The following KAT6A variants were observed in gnomAD, a reference collection of about 807,000 sequenced individuals.
KAT6A encodes lysine acetyltransferase 6A, also known as histone acetyltransferase KAT6A.
A neutral mutation model predicts 198.4 loss-of-function variants in KAT6A; 9 were observed. The observed-to-expected ratio is 0.05, with a 90% confidence interval of 0.03 to 0.08. The LOEUF (loss-of-function observed/expected upper bound fraction) is 0.08, where lower values mean the gene tolerates loss of function less well. Ranked by LOEUF, KAT6A falls within the 10% of genes least tolerant of loss-of-function variation. The pLI, the probability that KAT6A is intolerant of heterozygous loss-of-function variation, is 1.00. For synonymous variants in KAT6A, 890 were observed against 883.0 expected, an observed-to-expected ratio of 1.01 and a Z score of -0.14; for missense variants, 2,077 against 2,509.9, an observed-to-expected ratio of 0.83 and a Z score of 3.69.
At chr8:41,947,523 C>T (rs1049415022) in intron 11 of KAT6A, among the ~76,000 whole-genome samples, 1 of 152,100 alleles carries the variant, frequency 6.6e-6, no homozygotes, top group African/African-American at 2.4e-5. Flanking sequence ...TAAAACCTTC[C>T]CCGTGAGTAT....
intron 8 of KAT6A, among the ~76,000 whole-genome samples, chr8:41,966,656 G>A (rs771530374): frequency 2.6e-5 from 4 of 151,982 alleles, no homozygotes; most frequent in Non-Finnish European, 4.4e-5. Context: ...ACACATCTTA[G>A]TATACTGTGA....
In KAT6A at chr8:41,931,542, A is replaced by G. The variant is rs914405219; in HGVS notation, c.*663T>C. 1 of 206,456 alleles carries G rather than the reference A, an allele frequency of 4.8e-6. No homozygotes were observed. Among genetic ancestry groups the G allele is most frequent in the Non-Finnish European group, 9.9e-6 (1 of 100,882 alleles). The allele number at this position is 206,456 out of a possible 1,614,324, so 12.8% of individuals were successfully genotyped here. Reference sequence around the variant, plus strand: ...CAATGAAGTCCGTCTATAAAGAAACATTCTTGGGGAAGGGTTTCAAGAGGT... The same window carrying G: ...CAATGAAGTCCGTCTATAAAGAAACGTTCTTGGGGAAGGGTTTCAAGAGGT... On this transcript the variant is annotated 3_prime_UTR_variant, in exon 17 of 17. Coordinates refer to ENST00000265713, the MANE Select transcript of KAT6A (RefSeq NM_006766.5).
intron 7 of KAT6A, 102 bp from the exon 8 acceptor site, chr8:41,974,924 A>G (rs1823973873): frequency 1.6e-6 from 1 of 644,748 alleles, no homozygotes; most frequent in Non-Finnish European, 2.7e-6. Flanking sequence ...CTTAATATAT[A>G]ACGAAGAATA....
chr8:41,942,520 G>A, intron 14 of KAT6A: 2 of 426,898 alleles, frequency 4.7e-6, no homozygotes, highest in Non-Finnish European at 4.2e-6. Flanking sequence ...TTAAAACTGA[G>A]CTGCTTCTTG....
intron 8 of KAT6A, among the ~76,000 whole-genome samples, chr8:41,967,818 C>T (rs184955578): frequency 2.0e-4 from 31 of 152,074 alleles, no homozygotes; most frequent in South Asian, 1.7e-3. Context: ...GAAATAACGT[C>T]GCATATCTAC....
intron 2 of KAT6A, among the ~76,000 whole-genome samples, chr8:42,029,570 T>A (rs976702147): frequency 3.6e-5 from 5 of 137,368 alleles, no homozygotes; most frequent in African/African-American, 1.4e-4. Context: ...TTTTTTTTTG[T>A]TTTTTTTTTT....
chr8:42,025,545 T>C (rs1826770671), intron 2 of KAT6A, among the ~76,000 whole-genome samples: 1 of 152,156 alleles, frequency 6.6e-6, no homozygotes, highest in Non-Finnish European at 1.5e-5. Flanking sequence ...TGTTGGCCAT[T>C]TGTATGTATT....
chr8:42,033,709 T>G (rs1387113721), intron 2 of KAT6A, among the ~76,000 whole-genome samples: 1 of 152,220 alleles, frequency 6.6e-6, no homozygotes, highest in East Asian at 1.9e-4. Context: ...TATCACCATG[T>G]GTATTTATTA....
chr8:41,995,450 A>G (rs1200318586), intron 2 of KAT6A, among the ~76,000 whole-genome samples: 1 of 152,160 alleles, frequency 6.6e-6, no homozygotes, highest in Admixed American at 6.5e-5. Flanking sequence ...AGATGGCAGT[A>G]TTGAGGCAAA....
rs764710643 is a variant in KAT6A at position 41,932,305 on chromosome 8, G to A, written c.5915C>T (p.Pro1972Leu). 5.6e-6 allele frequency: 9 copies of A among 1,614,094 alleles called. No individual in the cohort carries two copies. Among genetic ancestry groups the A allele is most frequent in the African/African-American group, 1.3e-5 (1 of 74,928 alleles). ...GCCTGTGTACATCATGTTCCCATGA[G>A]GGTTAGGCTGCATAGGCTGCTGGGT... ...AYTQQPMQPN[P>L]HGNMMYTGPS... is the part of the protein sequence containing the mutation. Residue 1972 changes from proline (P) to leucine (L), a missense_variant, in exon 17 of 17, where the codon CCT (proline) becomes CTT (leucine). Transcript: ENST00000265713.
chr8:41,942,720 CATT>C, intron 14 of KAT6A, 70 bp downstream of exon 14: 1 of 1,463,368 alleles, frequency 6.8e-7, no homozygotes, highest in South Asian at 1.2e-5. Context: ...GATCATAATA[CATT>C]ATTATAAATA....
chr8:42,007,961 CAA>C (rs988491987), intron 2 of KAT6A, among the ~76,000 whole-genome samples: 10 of 42,890 alleles, frequency 2.3e-4, no homozygotes, highest in Non-Finnish European at 2.7e-4. Flanking sequence ...GACTCCGTCT[CAA>C]AAAAAAAAAA....
intron 8 of KAT6A, among the ~76,000 whole-genome samples, chr8:41,965,661 C>G (rs1162566227): frequency 1.3e-5 from 2 of 152,106 alleles, no homozygotes; most frequent in African/African-American, 2.4e-5. Context: ...TTGCACCATG[C>G]AAAGTGAGGA....
At chr8:42,047,888 A>ATCTGTCTCATT (rs1382300033) in intron 2 of KAT6A, among the ~76,000 whole-genome samples, 1 of 152,106 alleles carries the variant, frequency 6.6e-6, no homozygotes, top group Non-Finnish European at 1.5e-5. Context: ...GGTCATGAGA[A>ATCTGTCTCATT]TCTGTCTCAT....
chr8:41,954,130 A>G (rs1822803964), intron 9 of KAT6A, among the ~76,000 whole-genome samples: 1 of 152,022 alleles, frequency 6.6e-6, no homozygotes. Flanking sequence ...TGTCACTTTG[A>G]GGTCAGTGTC....
At chr8:41,936,317 G>A (rs918042108) in intron 16 of KAT6A, among the ~76,000 whole-genome samples, 1 of 152,106 alleles carries the variant, frequency 6.6e-6, no homozygotes, top group African/African-American at 2.4e-5. Flanking sequence ...ATATGAGAAT[G>A]GAGAAAATGT....
chr8:42,021,672 T>C (rs922323632), intron 2 of KAT6A, among the ~76,000 whole-genome samples: 1 of 152,230 alleles, frequency 6.6e-6, no homozygotes, highest in Non-Finnish European at 1.5e-5. Flanking sequence ...GGCACACACC[T>C]GTAATCCCAG....
intron 2 of KAT6A, among the ~76,000 whole-genome samples, chr8:41,994,964 G>A (rs1473893367): frequency 6.6e-6 from 1 of 152,052 alleles, no homozygotes; most frequent in East Asian, 1.9e-4. Flanking sequence ...GCTGACGCAG[G>A]AGAATCGCTT....
chr8:41,932,552 C>G lies in KAT6A; in HGVS notation c.5668G>C (p.Ala1890Pro), dbSNP rs766320012. Residue 1890 changes from alanine (A) to proline (P), a missense_variant, in exon 17 of 17, where the codon GCA (alanine) becomes CCA (proline). Coordinates refer to ENST00000265713, the MANE Select transcript of KAT6A (RefSeq NM_006766.5). ...TTCATGCCACGCTGAACAGCCAGTG[C>G]GCGAGGGCCAGCCTGCATGGCAACT... ...SAVAMQAGPR[A>P]LAVQRGMNMG... 1.2e-6 allele frequency: 2 copies of G among 1,614,218 alleles called. No individual in the cohort carries two copies. Among genetic ancestry groups the G allele is most frequent in the Non-Finnish European group, 1.7e-6 (2 of 1,180,038 alleles).
Sources: allele counts gnomAD v4.1 joint callset (sites outside exome capture counted in the v4.1 genomes callset), GRCh38; gene constraint gnomAD v4.1.1; transcripts MANE v1.5; gene names NCBI Gene and HGNC (gene_info 2026-07-23, HGNC 2026-07-21).